The following FAM184A variants were observed in gnomAD, a reference collection of about 807,000 sequenced individuals.
FAM184A encodes the protein family with sequence similarity 184 member A.
FAM184A carries 99 observed loss-of-function variants against 143.8 expected under a neutral mutation model. The ratio of observed to expected loss-of-function variants is 0.69; its 90% CI spans 0.58 to 0.81. The LOEUF is 0.81. FAM184A is among the 40% of genes least tolerant of loss of function. The pLI, the probability that FAM184A is intolerant of heterozygous loss-of-function variation, is 0.00. For missense variants in FAM184A, 1,217 were observed against 1,310.5 expected, an observed-to-expected ratio of 0.93 and a Z score of 1.10; for synonymous variants, 427 against 446.4, an observed-to-expected ratio of 0.96 and a Z score of 0.55.
chr6:118,995,821 T>G (rs1463917309), intron 9 of FAM184A, among the ~76,000 whole-genome samples: 1 of 152,212 alleles, frequency 6.6e-6, no homozygotes, highest in Non-Finnish European at 1.5e-5. Flanking sequence ...AGAAACAGAT[T>G]AAGTTGATTT....
In FAM184A at chr6:119,096,717, G is replaced by A. The variant is rs75252475; in HGVS notation, c.-202+52361C>T. On this transcript the variant is annotated intron_variant, in intron 1 of 16. Transcript: ENST00000352896. ...AGGACTGTTATTAGTATTGGTATTG[G>A]TCTAGGCTGAGATTCAGTATGGGAG... 9.7e-3 allele frequency among the ~76,000 whole-genome samples: 1,469 copies of A among 151,922 alleles called. 23 individuals carry two copies. The highest frequency in any genetic ancestry group is 0.035 in the African/African-American group (1,427 of 41,314).
intron 1 of FAM184A, among the ~76,000 whole-genome samples, chr6:119,133,175 T>A (rs1418495957): frequency 6.6e-6 from 1 of 152,202 alleles, no homozygotes; most frequent in Non-Finnish European, 1.5e-5. Context: ...AAGAGAAAGC[T>A]TGACAAAGTG....
At chr6:119,087,819 T>C (rs1788259985) in intron 1 of FAM184A, among the ~76,000 whole-genome samples, 1 of 152,224 alleles carries the variant, frequency 6.6e-6, no homozygotes, top group Non-Finnish European at 1.5e-5. Context: ...GCAGCATTAT[T>C]CACAGAAGCC....
chr6:119,045,241 G>A (rs761140860), intron 1 of FAM184A, among the ~76,000 whole-genome samples: 3 of 151,196 alleles, frequency 2.0e-5, no homozygotes. Flanking sequence ...ATGAGAAAAG[G>A]AAGGCTGTTT....
chr6:119,085,238 CT>C (rs1458665661), intron 1 of FAM184A, among the ~76,000 whole-genome samples: 1 of 151,994 alleles, frequency 6.6e-6, no homozygotes, highest in Non-Finnish European at 1.5e-5. Context: ...AATTTTTTTT[CT>C]CACACATATG....
intron 16 of FAM184A, 96 bp from the exon 17 acceptor site, chr6:118,962,059 T>C: frequency 8.2e-7 from 1 of 1,225,786 alleles, no homozygotes; most frequent in South Asian, 1.3e-5. Flanking sequence ...TGGGAAAATT[T>C]TGGAAGCTTT....
rs998505741 is a variant in FAM184A at position 119,016,805 on chromosome 6, T to C, written c.1472A>G (p.His491Arg). ...ACTGTGGACAGCTTCAATTGCCATA[T>C]GGTGCTTCCAAGCTAATTCTTCCAA... ...KTLEELAWKH[H>R]MAIEAVHSNA... is the part of the protein sequence containing the mutation. Residue 491 changes from histidine to arginine, a missense_variant, in exon 5 of 18, where the codon CAT (histidine) becomes CGT (arginine). Coordinates refer to ENST00000338891, the MANE Select transcript of FAM184A (RefSeq NM_024581.6). The C allele has an allele frequency of 1.9e-6, 3 of 1,614,210 alleles. No individual in the cohort carries two copies. Among genetic ancestry groups the C allele is most frequent in the East Asian group, 2.2e-5 (1 of 44,866 alleles).
intron 11 of FAM184A, among the ~76,000 whole-genome samples, chr6:118,978,770 A>T (rs1446893408): frequency 6.6e-6 from 1 of 152,224 alleles, no homozygotes; most frequent in Admixed American, 6.5e-5. Context: ...TTTGGAATAA[A>T]GCCAAACAGA....
intron 9 of FAM184A, among the ~76,000 whole-genome samples, chr6:118,987,449 T>C (rs1784228895): frequency 6.6e-6 from 1 of 152,322 alleles, no homozygotes; most frequent in African/African-American, 2.4e-5. Flanking sequence ...CTTTTTCTTA[T>C]GATATACAAA....
At chr6:119,104,844 C>T (rs377723526) in intron 1 of FAM184A, among the ~76,000 whole-genome samples, 11 of 152,124 alleles carry the variant, frequency 7.2e-5, no homozygotes, top group East Asian at 1.9e-4. Flanking sequence ...TCAAGGTCAA[C>T]GTCAATAGTG....
chr6:119,144,935 G>C (rs752617913), intron 1 of FAM184A, among the ~76,000 whole-genome samples: 28 of 152,184 alleles, frequency 1.8e-4, no homozygotes, highest in Non-Finnish European at 3.7e-4. Flanking sequence ...AGAGTTTACA[G>C]AGTGCAAAAG....
At chr6:119,031,534 T>C (rs1785871929) in intron 1 of FAM184A, 1 of 152,232 alleles carries the variant, frequency 6.6e-6, no homozygotes, top group Non-Finnish European at 1.5e-5. Flanking sequence ...TTTTTATTGT[T>C]TGAGCCACTC....
At chr6:119,131,117 C>T (rs552398628) in intron 1 of FAM184A, among the ~76,000 whole-genome samples, 121 of 152,200 alleles carry the variant, frequency 8.0e-4, no homozygotes, top group Non-Finnish European at 1.3e-3. Flanking sequence ...TCTCTGCCTC[C>T]CAAAGTGTTG....
intron 1 of FAM184A, among the ~76,000 whole-genome samples, chr6:119,062,282 C>T (rs984749205): frequency 6.6e-6 from 1 of 152,162 alleles, no homozygotes; most frequent in Non-Finnish European, 1.5e-5. Context: ...AACACAATAA[C>T]GCACAATACA....
upstream of FAM184A, among the ~76,000 whole-genome samples, chr6:119,082,502 C>A (rs1035554712): frequency 2.2e-4 from 34 of 152,248 alleles, no homozygotes; most frequent in African/African-American, 8.2e-4. Flanking sequence ...TTCCAAGATA[C>A]AATGGGGGTT....
intron 1 of FAM184A, among the ~76,000 whole-genome samples, chr6:119,096,174 A>G (rs1788502038): frequency 6.6e-6 from 1 of 152,142 alleles, no homozygotes; most frequent in Non-Finnish European, 1.5e-5. Flanking sequence ...AAGTGGCTTG[A>G]AAACAGCCTC....
At chr6:119,090,342 G>A (rs1319947330) in intron 1 of FAM184A, among the ~76,000 whole-genome samples, 1 of 152,198 alleles carries the variant, frequency 6.6e-6, no homozygotes, top group African/African-American at 2.4e-5. Context: ...ATGGCTGCCA[G>A]GGGAATTAAC....
chr6:119,121,638 T>C (rs1470492370), intron 1 of FAM184A, among the ~76,000 whole-genome samples: 1 of 152,234 alleles, frequency 6.6e-6, no homozygotes, highest in Non-Finnish European at 1.5e-5. Flanking sequence ...AATGAGGACA[T>C]CTAAGATATT....
chr6:118,970,008 A>ATATATATATATATATTT, intron 14 of FAM184A, among the ~76,000 whole-genome samples: 2 of 19,052 alleles, frequency 1.0e-4, no homozygotes, highest in African/African-American at 3.1e-4. Context: ...ATATATATAT[A>ATATATATATATATATTT]TTTTTTTTTT....
Sources: allele counts gnomAD v4.1 joint callset (sites outside exome capture counted in the v4.1 genomes callset), GRCh38; gene constraint gnomAD v4.1.1; transcripts MANE v1.5; gene names NCBI Gene and HGNC (gene_info 2026-07-23, HGNC 2026-07-21).